TFG: variants seen among roughly 807,000 people sequenced by gnomAD.
TFG encodes the protein protein TFG.
A neutral mutation model predicts 51.4 loss-of-function variants in TFG; 22 were observed. That is an observed-to-expected ratio of 0.43 (90% confidence interval 0.31 to 0.61). The LOEUF (loss-of-function observed/expected upper bound fraction) is 0.61. TFG is among the 20% of genes least tolerant of loss of function. The pLI is 0.12. For missense variants in TFG, 419 were observed against 487.7 expected (o/e 0.86, Z 1.33); for synonymous variants, 187 against 165.6 (o/e 1.13, Z -0.99).
At chr3:100,727,723 A>T in intron 3 of TFG, among the ~76,000 whole-genome samples, 1 of 152,162 alleles carries the variant, frequency 6.6e-6, no homozygotes, top group East Asian at 1.9e-4. Context: ...ACAACTAGAG[A>T]TTACCGAGTA....
At chr3:100,718,355 A>G (rs1375502381) in intron 2 of TFG, among the ~76,000 whole-genome samples, 3 of 152,154 alleles carry the variant, frequency 2.0e-5, no homozygotes, top group African/African-American at 4.8e-5. Flanking sequence ...ATCAGAGAGA[A>G]TAAATATTGT....
At position 100,736,533 on chromosome 3, in the gene TFG, G is replaced by T. The variant is rs1329752981; in HGVS notation, c.581-43G>T. 8.7e-6 allele frequency: 14 copies of T among 1,601,030 alleles called. 1 individual carries two copies. The South Asian group carries it at 1.6e-4, about 18-fold the overall frequency. On this transcript the variant is annotated intron_variant, in intron 5 of 7. Coordinates refer to ENST00000240851, the MANE Select transcript of TFG (RefSeq NM_006070.6). Reference sequence around the variant, plus strand: ...TATTCCTTGAGCTTGCTGGGGGAAGGCCTTGTGTTGGATACTAAACTGACT... The same window carrying T: ...TATTCCTTGAGCTTGCTGGGGGAAGTCCTTGTGTTGGATACTAAACTGACT...
At chr3:100,728,897 TAC>T in intron 4 of TFG, 39 bp downstream of exon 4, 1 of 1,510,076 alleles carries the variant, frequency 6.6e-7, no homozygotes, top group Non-Finnish European at 8.9e-7. Flanking sequence ...TTATTGTTCT[TAC>T]GTCTTTTTGG....
Position 100,748,203 on chromosome 3 carries a change from G to A in TFG, c.875G>A (p.Gly292Asp). The A allele has an allele frequency of 6.2e-7, 1 of 1,614,052 alleles. No individual in the cohort carries two copies. Among genetic ancestry groups the A allele is most frequent in the South Asian group, 1.1e-5 (1 of 91,080 alleles). The part of the protein sequence containing the change: ...PQQPQQFQGY[G>D]QQPTSQAPAP... ...CAACCTCAGCAGTTCCAGGGATATG[G>A]CCAGCAACCAACTTCCCAGGCACCA... Residue 292 changes from glycine to aspartate, a missense_variant, in exon 8 of 8, where the codon GGC becomes GAC. Coordinates refer to ENST00000240851, the MANE Select transcript of TFG (RefSeq NM_006070.6).
In TFG at chr3:100,748,153, C is replaced by T. The variant is rs779563177; in HGVS notation, c.825C>T (p.Ser275=). The T allele has an allele frequency of 6.2e-7, 1 of 1,613,248 alleles. No homozygotes were observed. The highest frequency in any genetic ancestry group is 1.1e-5 in the South Asian group (1 of 91,004). Residue 275 remains serine (S), a synonymous_variant, in exon 8 of 8, where the codon AGC becomes AGT. Transcript: ENST00000240851. ...PQQYGIQYSA[S]YSQQTGPQQP... is the part of the protein sequence containing the mutation. ...TTATTTATTTTGCCTTTTCAGCAAGCTATAGTCAGCAGACTGGACCTCAAC... is the reference window on the plus strand; with the variant it reads ...TTATTTATTTTGCCTTTTCAGCAAGTTATAGTCAGCAGACTGGACCTCAAC...
intron 3 of TFG, among the ~76,000 whole-genome samples, chr3:100,724,989 C>T (rs896934491): frequency 3.9e-5 from 6 of 152,188 alleles, no homozygotes; most frequent in Admixed American, 6.5e-5. Context: ...CTGCAAGCTC[C>T]GCCTCCGGGG....
intron 7 of TFG, among the ~76,000 whole-genome samples, chr3:100,746,730 A>T (rs1221341052): frequency 6.6e-6 from 1 of 152,008 alleles, no homozygotes; most frequent in Non-Finnish European, 1.5e-5. Context: ...ATAATTAAGG[A>T]TCAGATTACT....
chr3:100,717,402 T>C (rs1024318188), intron 2 of TFG, among the ~76,000 whole-genome samples: 13 of 152,200 alleles, frequency 8.5e-5, no homozygotes, highest in Admixed American at 2.6e-4. Context: ...TATGTAGTTC[T>C]GTACAAATTT....
chr3:100,729,008 C>G (rs970555700), intron 4 of TFG, 150 bp downstream of exon 4: 2 of 657,200 alleles, frequency 3.0e-6, no homozygotes, highest in Non-Finnish European at 4.8e-6. Context: ...TGTCTGTGTT[C>G]CTAAACTTTG....
intron 5 of TFG, among the ~76,000 whole-genome samples, chr3:100,736,306 A>G (rs1309064716): frequency 3.3e-5 from 5 of 152,140 alleles, no homozygotes; most frequent in Non-Finnish European, 7.4e-5. Flanking sequence ...GGCATTGCAG[A>G]CATGAGTTTT....
chr3:100,736,853 G>A, intron 6 of TFG, 137 bp downstream of exon 6: 1 of 897,678 alleles, frequency 1.1e-6, no homozygotes, highest in Non-Finnish European at 1.6e-6. Context: ...ATGATTTGAT[G>A]TTAAAAAACC....
intron 5 of TFG, among the ~76,000 whole-genome samples, chr3:100,733,725 C>T (rs1050206879): frequency 2.6e-5 from 4 of 152,040 alleles, no homozygotes; most frequent in African/African-American, 9.7e-5. Flanking sequence ...GTGACTTGGA[C>T]TTATATTCTT....
In TFG at chr3:100,732,993, A is replaced by G. The variant is rs542927606; in HGVS notation, c.580+321A>G. Reference sequence around the variant, plus strand: ...TAGAAAGTTTTTAAAAATCTGAACTATTTTATAATTTGATTAGTTGCAGTA... The same window carrying G: ...TAGAAAGTTTTTAAAAATCTGAACTGTTTTATAATTTGATTAGTTGCAGTA... On this transcript the variant is annotated intron_variant, in intron 5 of 7. Coordinates refer to ENST00000240851, the MANE Select transcript of TFG (RefSeq NM_006070.6). Among the ~76,000 whole-genome samples the G allele has an allele frequency of 2.6e-5, 4 of 152,322 alleles. No homozygotes were observed. In the East Asian group the frequency reaches 7.7e-4, roughly 29 times the overall value.
chr3:100,744,885 G>A lies in TFG; in HGVS notation c.774G>A (p.Pro258=), dbSNP rs1367793822. 5.6e-6 allele frequency: 9 copies of A among 1,613,326 alleles called. No homozygotes were observed. Among genetic ancestry groups the A allele is most frequent in the East Asian group, 2.2e-5 (1 of 44,856 alleles). ...AGGCCGGCTATGGTGCACAGCAGCC[G>A]CAGGCTCCACCTCAGCAGCCTCAAC... ...QQQAGYGAQQ[P]QAPPQQPQQY... is the part of the protein sequence containing the mutation. Residue 258 remains proline (P), a synonymous_variant, in exon 7 of 8, where the codon CCG becomes CCA. Transcript: ENST00000240851.
Position 100,713,716 on chromosome 3 carries a change from C to G in TFG, c.31C>G (p.Leu11Val). The change falls in exon 2 of 8, where the codon CTA (leucine) becomes GTA (valine). Residue 11 changes from leucine to valine, a missense_variant. By Grantham distance (32) the Leu-to-Val change is conservative. Around this residue, in one of 3 missense-constraint regions of TFG, gnomAD observed 22 missense variants for 27.5 expected, o/e 0.80. Coordinates refer to ENST00000240851, the MANE Select transcript of TFG (RefSeq NM_006070.6). MNGQLDLSGK[L>V]IIKAQLGEDI... Reference sequence around the variant, plus strand: ...CGGACAGTTGGATCTAAGTGGGAAGCTAATCATCAAAGCTCAACTTGGGGA... The same window carrying G: ...CGGACAGTTGGATCTAAGTGGGAAGGTAATCATCAAAGCTCAACTTGGGGA... The G allele has an allele frequency of 6.2e-7, 1 of 1,608,736 alleles. No homozygotes were observed. The highest frequency in any genetic ancestry group is 8.5e-7 in the Non-Finnish European group (1 of 1,176,604).
rs557443412 is a variant in TFG, at chr3:100,711,492, T to A, written c.-44+1771T>A. 3.9e-4 allele frequency among the ~76,000 whole-genome samples: 60 copies of A among 152,358 alleles called. No individual in the cohort carries two copies. The South Asian group carries it at 0.012, about 31-fold the overall frequency. ...ATTATCTTCAAAGCTGGAATTTTTT[T>A]CTTAATTAGGAGTGTGTCTGATGGA... On this transcript the variant is annotated intron_variant, in intron 1 of 7. Coordinates refer to ENST00000240851, the MANE Select transcript of TFG (RefSeq NM_006070.6).
At chr3:100,735,951 GA>G (rs1362404540) in intron 5 of TFG, among the ~76,000 whole-genome samples, 5 of 152,136 alleles carry the variant, frequency 3.3e-5, no homozygotes, top group Admixed American at 2.0e-4. Flanking sequence ...TTCACTAGTA[GA>G]AAAAGTATTC....
chr3:100,748,538 T>A lies in TFG; in HGVS notation c.*7T>A. On this transcript the variant is annotated 3_prime_UTR_variant, in exon 8 of 8. Transcript: ENST00000240851. ...TGGACCTGGTTATCGATAAGGAGGCTCCTCTACACCAATTAATGTAGCTGC... is the reference window on the plus strand; with the variant it reads ...TGGACCTGGTTATCGATAAGGAGGCACCTCTACACCAATTAATGTAGCTGC... 4 of 1,599,228 alleles carry A rather than the reference T, an allele frequency of 2.5e-6. No individual in the cohort carries two copies. Among genetic ancestry groups the A allele is most frequent in the Non-Finnish European group, 3.4e-6 (4 of 1,170,342 alleles).
intron 6 of TFG, among the ~76,000 whole-genome samples, chr3:100,741,584 TAA>T (rs765671948): frequency 7.9e-5 from 12 of 152,150 alleles, no homozygotes; most frequent in Non-Finnish European, 1.0e-4. Flanking sequence ...AATGGAATTT[TAA>T]AAAATAAATG....
Sources: gnomAD v4.1 joint callset for allele counts (sites outside exome capture counted in the v4.1 genomes callset) on GRCh38, gnomAD v4.1.1 for gene constraint, gnomAD v4.1.1 regional missense constraint, MANE v1.5 for transcripts, NCBI Gene and HGNC (gene_info 2026-07-23, HGNC 2026-07-21) for gene names.